Variants in OPCML observed in about 807,000 individuals in gnomAD.
OPCML encodes the protein opioid-binding protein/cell adhesion molecule.
OPCML carries 13 observed loss-of-function variants against 37.8 expected under a neutral mutation model. The ratio of observed to expected loss-of-function variants is 0.34; its 90% CI spans 0.22 to 0.55. OPCML has a LOEUF of 0.55. Ranked by LOEUF, OPCML falls within the 20% of genes least tolerant of loss-of-function variation. OPCML has a pLI of 0.91. For synonymous variants in OPCML, 176 were observed against 168.8 expected (o/e 1.04, Z -0.33); for missense variants, 341 against 435.6 (o/e 0.78, Z 1.93).
chr11:133,313,443 C>T (rs1292713681), intron 1 of OPCML, among the ~76,000 whole-genome samples: 1 of 152,224 alleles, frequency 6.6e-6, no homozygotes, highest in African/African-American at 2.4e-5. Flanking sequence ...CCTGTGAATG[C>T]ATTACTTTAC....
chr11:133,135,676 A>G (rs1175848731), intron 1 of OPCML, among the ~76,000 whole-genome samples: 2 of 152,168 alleles, frequency 1.3e-5, no homozygotes, highest in African/African-American at 4.8e-5. Flanking sequence ...CCCAAAATAC[A>G]GATGCGAAGA....
chr11:132,771,894 A>G (rs1217764808), intron 2 of OPCML: 1 of 152,246 alleles, frequency 6.6e-6, no homozygotes, highest in Non-Finnish European at 1.5e-5. Flanking sequence ...GCCAGGAGCT[A>G]ACGCGGCCTC....
rs375809152 is a variant in OPCML, at chr11:133,135,741, C to T, written c.62-192731G>A. ...TAGAATGCGTTGGAGTGTCTATGTG[C>T]AGGATCCTCAAAGTAGCGTCCTTTT... On this transcript the variant is annotated intron_variant, in intron 1 of 7. Transcript: ENST00000524381. Among the ~76,000 whole-genome samples, 65 of 152,264 alleles carry T rather than the reference C, an allele frequency of 4.3e-4. 1 individual carries two copies. The South Asian group carries it at 0.013, about 31-fold the overall frequency.
intron 3 of OPCML, among the ~76,000 whole-genome samples, chr11:132,555,621 T>C (rs976945166): frequency 2.0e-5 from 3 of 152,122 alleles, no homozygotes; most frequent in African/African-American, 7.2e-5. Flanking sequence ...CAGAGATTTT[T>C]CAGTCTCTGG....
At chr11:132,540,312 G>T (rs1480725310) in intron 3 of OPCML, among the ~76,000 whole-genome samples, 1 of 152,182 alleles carries the variant, frequency 6.6e-6, no homozygotes, top group East Asian at 1.9e-4. Flanking sequence ...ACTGTCATTT[G>T]TTCATCTCAG....
intron 2 of OPCML, among the ~76,000 whole-genome samples, chr11:132,858,653 A>G (rs1942166112): frequency 6.6e-6 from 1 of 152,084 alleles, no homozygotes; most frequent in Admixed American, 6.5e-5. Flanking sequence ...CTCTGGTAGC[A>G]GCATTAGTCT....
rs566311331 is a variant in OPCML at position 133,173,847 on chromosome 11, G to T, written c.62-230837C>A. Among the ~76,000 whole-genome samples the T allele has an allele frequency of 4.6e-5, 7 of 152,114 alleles. No individual in the cohort carries two copies. The highest frequency in any genetic ancestry group is 1.3e-4 in the Admixed American group (2 of 15,288). Reference sequence around the variant, plus strand: ...AAGATGCAGGCCTTGAGTTTATGAGGCAAATAATGAAGTTGATAAATGGGT... The same window carrying T: ...AAGATGCAGGCCTTGAGTTTATGAGTCAAATAATGAAGTTGATAAATGGGT... On this transcript the variant is annotated intron_variant, in intron 1 of 7. Coordinates refer to ENST00000524381, the MANE Select transcript of OPCML (RefSeq NM_001012393.5). This position sits in a 1 kb window ranked among gnomAD's most constrained non-coding sequence, Gnocchi z 7.8.
At chr11:133,496,239 A>G (rs759517321) in intron 1 of OPCML, among the ~76,000 whole-genome samples, 2 of 152,180 alleles carry the variant, frequency 1.3e-5, no homozygotes, top group Non-Finnish European at 2.9e-5. Context: ...TGGGTTCCCT[A>G]TTCTGTTCCA....
intron 4 of OPCML, among the ~76,000 whole-genome samples, chr11:132,462,239 T>C (rs2096104877): frequency 6.6e-6 from 1 of 151,984 alleles, no homozygotes; most frequent in African/African-American, 2.4e-5. Context: ...ACACACACTT[T>C]TTGGTGATCA....
chr11:133,424,556 C>T (rs1211720927), intron 1 of OPCML, among the ~76,000 whole-genome samples: 1 of 152,164 alleles, frequency 6.6e-6, no homozygotes, highest in Non-Finnish European at 1.5e-5. Context: ...CACAATTTGT[C>T]CTAGTTACAC....
chr11:132,737,910 G>A (rs1945313133), intron 2 of OPCML, among the ~76,000 whole-genome samples: 1 of 152,176 alleles, frequency 6.6e-6, no homozygotes, highest in Admixed American at 6.5e-5. Context: ...AAAGCCATTG[G>A]TATCTCTACG....
At chr11:132,989,803 A>G (rs1946742998) in intron 1 of OPCML, among the ~76,000 whole-genome samples, 1 of 152,212 alleles carries the variant, frequency 6.6e-6, no homozygotes, top group African/African-American at 2.4e-5. Flanking sequence ...AAAAAATAAA[A>G]ACATTTGAAC....
chr11:132,999,540 A>C (rs1180988748), intron 1 of OPCML, among the ~76,000 whole-genome samples: 1 of 148,270 alleles, frequency 6.7e-6, no homozygotes, highest in Non-Finnish European at 1.5e-5. Context: ...TAAAAGAGTC[A>C]CAGCTCTGCT....
In OPCML at chr11:133,033,454, C is replaced by T. The variant is rs181443891; in HGVS notation, c.62-90444G>A. On this transcript the variant is annotated intron_variant, in intron 1 of 7. Coordinates refer to ENST00000524381, the MANE Select transcript of OPCML (RefSeq NM_001012393.5). ...TTTGACTATTTTGAAATCTCAGACA[C>T]TCCAAATATTATACATATCACTCCT... Among the ~76,000 whole-genome samples, 18 of 152,310 alleles carry T rather than the reference C, an allele frequency of 1.2e-4. No homozygotes were observed. In the East Asian group the frequency reaches 3.5e-3, roughly 29 times the overall value.
intron 1 of OPCML, among the ~76,000 whole-genome samples, chr11:133,348,769 C>A (rs1003958387): frequency 6.6e-6 from 1 of 152,146 alleles, no homozygotes; most frequent in African/African-American, 2.4e-5. Flanking sequence ...ATAAGTCAAA[C>A]CATGTCGAGG....
At chr11:132,787,983 C>T (rs527861385) in intron 2 of OPCML, among the ~76,000 whole-genome samples, 71 of 152,256 alleles carry the variant, frequency 4.7e-4, no homozygotes, top group Admixed American at 1.1e-3. Context: ...TGGGTTCAAG[C>T]GCTTCTTCTG....
chr11:132,750,088 A>C (rs1945782097), intron 2 of OPCML, among the ~76,000 whole-genome samples: 1 of 152,080 alleles, frequency 6.6e-6, no homozygotes, highest in South Asian at 2.1e-4. Flanking sequence ...TTGCCCCAAC[A>C]CTTTGGCAAG....
chr11:133,072,598 A>G (rs1421480651), intron 1 of OPCML, among the ~76,000 whole-genome samples: 1 of 152,258 alleles, frequency 6.6e-6, no homozygotes, highest in Non-Finnish European at 1.5e-5. Context: ...TCTATCAAGT[A>G]TGAAACGTCT....
At chr11:133,528,740 T>G (rs906378531) in intron 1 of OPCML, among the ~76,000 whole-genome samples, 2 of 152,184 alleles carry the variant, frequency 1.3e-5, no homozygotes, top group Admixed American at 6.5e-5. Flanking sequence ...GATGAAGTTG[T>G]ACCCAGAACC....
Sources: allele counts gnomAD v4.1 joint callset (sites outside exome capture counted in the v4.1 genomes callset), GRCh38; gene constraint gnomAD v4.1.1; non-coding constraint Gnocchi (gnomAD v3.1); transcripts MANE v1.5; gene names NCBI Gene and HGNC (gene_info 2026-07-23, HGNC 2026-07-21).